The following NRXN1 variants were observed in gnomAD, a reference collection of about 807,000 sequenced individuals.
NRXN1 encodes the protein neurexin-1.
Under a neutral mutation model 150.9 loss-of-function variants are expected in NRXN1, and 39 were observed. The observed-to-expected ratio is 0.26, with a 90% CI of 0.20 to 0.34. The LOEUF (loss-of-function observed/expected upper bound fraction) is 0.34, where lower values mean the gene tolerates loss of function less well. Ranked by LOEUF, NRXN1 falls within the 10% of genes least tolerant of loss-of-function variation. The pLI, the probability that NRXN1 is intolerant of heterozygous loss-of-function variation, is 1.00. For missense variants in NRXN1, 1,815 were observed against 1,949.9 expected (o/e 0.93, Z 1.30); for synonymous variants, 924 against 757.0 (o/e 1.22, Z -3.62).
intron 17 of NRXN1, among the ~76,000 whole-genome samples, chr2:50,344,238 G>C (rs114993771): frequency 0.015 from 2,243 of 152,138 alleles, 54 homozygotes; most frequent in African/African-American, 0.049. Flanking sequence ...CACCCTGAGA[G>C]GCTTATTTTT....
intron 17 of NRXN1, among the ~76,000 whole-genome samples, chr2:50,388,390 T>C (rs539282223): frequency 1.3e-5 from 2 of 152,270 alleles, no homozygotes; most frequent in African/African-American, 4.8e-5. Context: ...AGGTCATAAT[T>C]CTGTGGAGGA....
intron 5 of NRXN1, among the ~76,000 whole-genome samples, chr2:50,733,457 A>T (rs757048723): frequency 1.3e-5 from 2 of 152,140 alleles, no homozygotes; most frequent in Non-Finnish European, 2.9e-5. Context: ...TGGGATGGCA[A>T]ATAAGCATTA....
intron 22 of NRXN1, among the ~76,000 whole-genome samples, chr2:49,929,235 A>G (rs935110581): frequency 3.9e-5 from 6 of 152,150 alleles, no homozygotes; most frequent in Non-Finnish European, 7.3e-5. Flanking sequence ...ACCACATCGA[A>G]CAGAAGAGAC....
chr2:50,337,529 AGTT>A (rs1285147263), intron 17 of NRXN1, among the ~76,000 whole-genome samples: 4 of 152,174 alleles, frequency 2.6e-5, no homozygotes, highest in African/African-American at 7.2e-5. Context: ...TATCTCATAA[AGTT>A]GTTGTAAGGA....
chr2:50,927,759 G>T (rs1459916433), intron 2 of NRXN1, among the ~76,000 whole-genome samples: 1 of 151,944 alleles, frequency 6.6e-6, no homozygotes, highest in Non-Finnish European at 1.5e-5. Flanking sequence ...AGAGTCATGT[G>T]CCAAGACAGT....
intron 18 of NRXN1, among the ~76,000 whole-genome samples, chr2:50,180,074 T>A (rs947815255): frequency 6.6e-6 from 1 of 152,062 alleles, no homozygotes; most frequent in Non-Finnish European, 1.5e-5. Context: ...CTGGCTGGAG[T>A]GCAGTGGTTC....
intron 2 of NRXN1, among the ~76,000 whole-genome samples, chr2:50,945,384 A>C (rs2104529476): frequency 6.6e-6 from 1 of 152,244 alleles, no homozygotes; most frequent in South Asian, 2.1e-4. Context: ...GGATTGCTTG[A>C]GCCCAAGAGG....
chr2:50,901,388 T>C (rs1388757658), intron 5 of NRXN1, among the ~76,000 whole-genome samples: 1 of 151,708 alleles, frequency 6.6e-6, no homozygotes, highest in Non-Finnish European at 1.5e-5. Context: ...ACAAAAAAAA[T>C]TAGCCAGGCA....
At chr2:50,652,974 T>A (rs772887460) in intron 5 of NRXN1, among the ~76,000 whole-genome samples, 87 of 152,052 alleles carry the variant, frequency 5.7e-4, no homozygotes, top group Non-Finnish European at 1.0e-3. Context: ...GTTGTTTCTG[T>A]TTTATTTTGT....
chr2:50,741,828 T>C (rs1021527156), intron 5 of NRXN1, among the ~76,000 whole-genome samples: 2 of 152,164 alleles, frequency 1.3e-5, no homozygotes, highest in African/African-American at 2.4e-5. Flanking sequence ...CTCAAATCGA[T>C]TGACCCCCAG....
intron 17 of NRXN1, among the ~76,000 whole-genome samples, chr2:50,385,343 A>C (rs1469099800): frequency 6.6e-6 from 1 of 152,170 alleles, no homozygotes; most frequent in African/African-American, 2.4e-5. Context: ...TGCAGTATTA[A>C]ATCTTCTCAT....
intron 5 of NRXN1, among the ~76,000 whole-genome samples, chr2:50,627,959 T>G (rs1681470295): frequency 6.6e-6 from 1 of 151,870 alleles, no homozygotes; most frequent in African/African-American, 2.4e-5. Flanking sequence ...AAGATATGTC[T>G]TAGTAAGAAA....
chr2:50,200,523 G>A (rs1312240791), intron 18 of NRXN1, among the ~76,000 whole-genome samples: 1 of 152,074 alleles, frequency 6.6e-6, no homozygotes, highest in African/African-American at 2.4e-5. Flanking sequence ...TTATGACAAG[G>A]CTGCAGATAG....
intron 21 of NRXN1, among the ~76,000 whole-genome samples, chr2:49,987,537 A>G (rs1681138943): frequency 6.6e-6 from 1 of 152,174 alleles, no homozygotes; most frequent in Non-Finnish European, 1.5e-5. Context: ...AGCATGTGGT[A>G]AGCCTGCCTG....
At chr2:50,599,729 G>T (rs1487792771) in intron 8 of NRXN1, among the ~76,000 whole-genome samples, 1 of 152,132 alleles carries the variant, frequency 6.6e-6, no homozygotes, top group Non-Finnish European at 1.5e-5. Flanking sequence ...AGTTGAAGAG[G>T]TTGCACTTGA....
intron 5 of NRXN1, among the ~76,000 whole-genome samples, chr2:50,759,826 CTGTGTGTGTGTGTG>C (rs72209781): frequency 0.037 from 5,326 of 142,312 alleles, 104 homozygotes; most frequent in Non-Finnish European, 0.045. Context: ...TCTAACTAAG[CTGTGTGTGTGTGTG>C]TGTGTGTGTG....
intron 17 of NRXN1, among the ~76,000 whole-genome samples, chr2:50,396,649 G>A (rs1198262507): frequency 3.9e-5 from 6 of 152,176 alleles, no homozygotes; most frequent in Admixed American, 2.6e-4. Context: ...CCTACTGTGC[G>A]AAGGAGGCAT....
At chr2:50,138,031 C>A (rs897851904) in intron 18 of NRXN1, among the ~76,000 whole-genome samples, 1 of 152,072 alleles carries the variant, frequency 6.6e-6, no homozygotes, top group African/African-American at 2.4e-5. Flanking sequence ...CTAACAAAAG[C>A]TGTCATAAAA....
At chr2:50,610,642 C>CATACATATATATATATATATAT (rs1553879967) in intron 8 of NRXN1, among the ~76,000 whole-genome samples, 2 of 42,874 alleles carry the variant, frequency 4.7e-5, no homozygotes, top group African/African-American at 7.5e-5. Context: ...TAAATAGATA[C>CATACATATATATATATATATAT]ATATATATAT....
Sources: gnomAD v4.1 joint callset for allele counts (sites outside exome capture counted in the v4.1 genomes callset) on GRCh38, gnomAD v4.1.1 for gene constraint, MANE v1.5 for transcripts, NCBI Gene and HGNC (gene_info 2026-07-23, HGNC 2026-07-21) for gene names.